The following GRAMD2A variants were observed in gnomAD, a reference collection of about 807,000 sequenced individuals.
GRAMD2A encodes the protein GRAM domain-containing protein 2A.
GRAMD2A carries 37 observed loss-of-function variants against 51.1 expected under a neutral mutation model. The observed-to-expected ratio is 0.72, with a 90% confidence interval of 0.56 to 0.95. GRAMD2A has a LOEUF of 0.95. Ranked by LOEUF, GRAMD2A falls within the 40% of genes least tolerant of loss-of-function variation. The pLI is 0.00. For synonymous variants in GRAMD2A, 136 were observed against 157.1 expected, an observed-to-expected ratio of 0.87 and a Z score of 1.01; for missense variants, 414 against 426.9, an observed-to-expected ratio of 0.97 and a Z score of 0.27.
chr15:72,172,012 A>G (rs1395043849), intron 1 of GRAMD2A, among the ~76,000 whole-genome samples: 1 of 151,284 alleles, frequency 6.6e-6, no homozygotes, highest in Non-Finnish European at 1.5e-5. Flanking sequence ...TTTTTAGTAG[A>G]GACGGGGGTT....
intron 8 of GRAMD2A, among the ~76,000 whole-genome samples, chr15:72,164,597 G>T (rs1348981283): frequency 1.3e-5 from 2 of 152,154 alleles, no homozygotes; most frequent in East Asian, 2.0e-4. Context: ...TTGAGACAGG[G>T]TCTCACTATG....
rs1348054918 is a variant in GRAMD2A, at chr15:72,161,170, C to T, written c.*839G>A. 6.6e-6 allele frequency: 1 copy of T among 152,300 alleles called. No homozygotes were observed. Among genetic ancestry groups the T allele is most frequent in the Non-Finnish European group, 1.5e-5 (1 of 68,110 alleles). 9.4% of individuals were successfully genotyped at this position (152,300 alleles called of 1,614,324 possible). On this transcript the variant is annotated 3_prime_UTR_variant, in exon 12 of 12. Transcript: ENST00000309731. ...TCCCTATTTCCAGGGCTTGGGACACCTTAGAAATGTTTGAGCACACAAGGG... is the reference window on the plus strand; with the variant it reads ...TCCCTATTTCCAGGGCTTGGGACACTTTAGAAATGTTTGAGCACACAAGGG...
intron 8 of GRAMD2A, among the ~76,000 whole-genome samples, chr15:72,164,493 C>A (rs2081518886): frequency 6.6e-6 from 1 of 151,384 alleles, no homozygotes; most frequent in African/African-American, 2.4e-5. Context: ...GCAGCCTTAA[C>A]CTCCCAGGCT....
At chr15:72,172,048 G>A (rs542866083) in intron 1 of GRAMD2A, among the ~76,000 whole-genome samples, 2 of 151,728 alleles carry the variant, frequency 1.3e-5, no homozygotes, top group African/African-American at 2.4e-5. Flanking sequence ...AGCTAGTCTC[G>A]AACTCCTGAC....
chr15:72,163,792 C>T (rs753069981), intron 8 of GRAMD2A, 35 bp from the exon 9 acceptor site: 1 of 1,597,124 alleles, frequency 6.3e-7, no homozygotes, highest in East Asian at 2.2e-5. Flanking sequence ...CTTACCATGG[C>T]CCTTGCGATC....
At chr15:72,174,197 G>A (rs957161923) in intron 1 of GRAMD2A, among the ~76,000 whole-genome samples, 1 of 152,156 alleles carries the variant, frequency 6.6e-6, no homozygotes, top group Non-Finnish European at 1.5e-5. Flanking sequence ...AGAAATGGGA[G>A]TAGTGCCACC....
At chr15:72,189,953 A>T (rs775021896) in intron 1 of GRAMD2A, among the ~76,000 whole-genome samples, 2 of 152,246 alleles carry the variant, frequency 1.3e-5, no homozygotes, top group Non-Finnish European at 2.9e-5. Flanking sequence ...CCATATAAAG[A>T]AATAAATATT....
chr15:72,177,433 T>C (rs7171097), intron 1 of GRAMD2A, among the ~76,000 whole-genome samples: 145,400 of 152,308 alleles, frequency 0.95, 69,776 homozygotes, highest in East Asian at 1. Context: ...GCCATCATCC[T>C]GACTTCCAGC....
chr15:72,169,032 C>G (rs775322783), intron 2 of GRAMD2A, 36 bp from the exon 3 acceptor site: 2 of 1,597,740 alleles, frequency 1.3e-6, no homozygotes, highest in Admixed American at 1.7e-5. Flanking sequence ...GAACAAGGAA[C>G]CCCAGTCCTG....
In GRAMD2A at chr15:72,184,917, G is replaced by A. The variant is rs543516726; in HGVS notation, c.41+12814C>T. ...TCAACCGACAAATCATAAAAACGTG[G>A]CGCAGATATTTTCATATTTGGGCAC... On this transcript the variant is annotated intron_variant, in intron 1 of 11. Transcript: ENST00000309731. 2.0e-5 allele frequency among the ~76,000 whole-genome samples: 3 copies of A among 152,280 alleles called. No individual in the cohort carries two copies. The South Asian group carries it at 6.2e-4, about 32-fold the overall frequency.
Position 72,168,479 on chromosome 15 carries a change from G to C in GRAMD2A, c.268+12C>G. 6.2e-7 allele frequency: 1 copy of C among 1,608,364 alleles called. No individual in the cohort carries two copies. The highest frequency in any genetic ancestry group is 8.5e-7 in the Non-Finnish European group (1 of 1,175,106). On this transcript the variant is annotated intron_variant, in intron 4 of 11. Transcript: ENST00000309731. Reference sequence around the variant, plus strand: ...CTGGGTGCCTAACCAGCTATACCGGGAGACAGCTCACCTTTGAGAACCACT... The same window carrying C: ...CTGGGTGCCTAACCAGCTATACCGGCAGACAGCTCACCTTTGAGAACCACT...
chr15:72,170,423 T>C lies in GRAMD2A; in HGVS notation c.42-484A>G. On this transcript the variant is annotated intron_variant, in intron 1 of 11. Coordinates refer to ENST00000309731, the MANE Select transcript of GRAMD2A (RefSeq NM_001012642.3). This position sits in a 1 kb window ranked among gnomAD's most constrained non-coding sequence, Gnocchi z 4.5. ...TATCAAAGCTCAGGAGCTGATGCGC[T>C]GAAGGTGTGGGAGGTGGACGCCCAT... 1 of 456,108 alleles carries C rather than the reference T, an allele frequency of 2.2e-6. No homozygotes were observed. The highest frequency in any genetic ancestry group is 4.4e-6 in the Non-Finnish European group (1 of 226,910). The allele number at this position is 456,108 out of a possible 1,614,324, so 28.3% of individuals were successfully genotyped here. A position where few individuals can be genotyped will look rare whatever the true frequency, so the allele number is the denominator to read the frequency against.
At chr15:72,177,327 G>A (rs918441488) in intron 1 of GRAMD2A, among the ~76,000 whole-genome samples, 1 of 152,192 alleles carries the variant, frequency 6.6e-6, no homozygotes, top group African/African-American at 2.4e-5. Context: ...ACAATTCAAT[G>A]CATTTCACAA....
chr15:72,182,497 G>GA (rs370606226), intron 1 of GRAMD2A, among the ~76,000 whole-genome samples: 11 of 149,894 alleles, frequency 7.3e-5, no homozygotes, highest in African/African-American at 2.2e-4. Context: ...AGAAACAGAA[G>GA]AAAAAAACAG....
intron 1 of GRAMD2A, among the ~76,000 whole-genome samples, chr15:72,174,730 T>C (rs2140551666): frequency 6.6e-6 from 1 of 152,048 alleles, no homozygotes; most frequent in Middle Eastern, 3.4e-3. Context: ...GCTTTTCACA[T>C]CATGAGGCAG....
intron 1 of GRAMD2A, among the ~76,000 whole-genome samples, chr15:72,190,338 C>T (rs1334495443): frequency 2.0e-5 from 3 of 152,116 alleles, no homozygotes; most frequent in Non-Finnish European, 4.4e-5. Context: ...GAGATTGCAC[C>T]ACTGCACTCC....
At chr15:72,180,532 G>A (rs2081689665) in intron 1 of GRAMD2A, among the ~76,000 whole-genome samples, 1 of 152,256 alleles carries the variant, frequency 6.6e-6, no homozygotes, top group Non-Finnish European at 1.5e-5. Flanking sequence ...AGGGGCTGTG[G>A]CTACTCTGGA....
At chr15:72,173,328 T>C (rs1257291584) in intron 1 of GRAMD2A, among the ~76,000 whole-genome samples, 7 of 152,202 alleles carry the variant, frequency 4.6e-5, no homozygotes, top group Non-Finnish European at 1.0e-4. Context: ...GGTTCAAATG[T>C]GACTGTCTCA....
At chr15:72,184,565 G>A (rs951631845) in intron 1 of GRAMD2A, among the ~76,000 whole-genome samples, 1 of 152,228 alleles carries the variant, frequency 6.6e-6, no homozygotes, top group Non-Finnish European at 1.5e-5. Flanking sequence ...CGCCCGCGTG[G>A]GGACGGGCTG....
Sources: gnomAD v4.1 joint callset for allele counts (sites outside exome capture counted in the v4.1 genomes callset) on GRCh38, gnomAD v4.1.1 for gene constraint, Gnocchi (gnomAD v3.1) non-coding constraint, MANE v1.5 for transcripts, NCBI Gene and HGNC (gene_info 2026-07-23, HGNC 2026-07-21) for gene names.